USP54: variants seen among roughly 807,000 people sequenced by gnomAD.
USP54 encodes the protein ubiquitin carboxyl-terminal hydrolase 54.
USP54 carries 87 observed loss-of-function variants against 170.5 expected under a neutral mutation model. That is an observed-to-expected ratio of 0.51 (90% confidence interval 0.43 to 0.61). The LOEUF is 0.61. Ranked by LOEUF, USP54 falls within the 20% of genes least tolerant of loss-of-function variation. The pLI, the probability that USP54 is intolerant of heterozygous loss-of-function variation, is 0.00. For synonymous variants in USP54, 655 were observed against 742.8 expected (o/e 0.88, Z 1.92); for missense variants, 1,786 against 2,047.8 (o/e 0.87, Z 2.47).
intron 4 of USP54, among the ~76,000 whole-genome samples, chr10:73,561,184 G>A (rs1432378805): frequency 6.6e-6 from 1 of 150,956 alleles, no homozygotes; most frequent in African/African-American, 2.4e-5. Context: ...GAAAAGTAGA[G>A]TGTTTATAGT....
At chr10:73,614,330 C>T (rs1254173387) in intron 1 of USP54, among the ~76,000 whole-genome samples, 3 of 149,026 alleles carry the variant, frequency 2.0e-5, no homozygotes, top group South Asian at 2.1e-4. Flanking sequence ...GAGGCCAAGG[C>T]GGATGGATCA....
chr10:73,614,010 G>GTT, intron 1 of USP54: 2 of 152,140 alleles, frequency 1.3e-5, no homozygotes, highest in Non-Finnish European at 2.9e-5. Context: ...TTCGAGACCA[G>GTT]CTAGGCCATG....
chr10:73,554,970 G>A (rs150406013), intron 4 of USP54, among the ~76,000 whole-genome samples: 1 of 152,312 alleles, frequency 6.6e-6, no homozygotes, highest in East Asian at 1.9e-4. Flanking sequence ...GGGTACAGTG[G>A]CATATGCCTG....
At position 73,504,990 on chromosome 10, in the gene USP54, C is replaced by A. The variant is rs2058848247; in HGVS notation, c.4171G>T (p.Ala1391Ser). 2 of 1,614,018 alleles carry A rather than the reference C, an allele frequency of 1.2e-6. No individual in the cohort carries two copies. The highest frequency in any genetic ancestry group is 8.5e-7 in the Non-Finnish European group (1 of 1,180,020). ...CTGCTGAGGCCTCGGCAAGGTGTAG[C>A]CTTCAAACACACAGACACATACAGG... ...HEARTVRTSQ[A>S]TPCRGLSREC... The change falls in exon 22 of 24, where the codon GCT becomes TCT. Residue 1391 changes from alanine to serine, a missense_variant and splice_region_variant. By Grantham distance (99) the Ala-to-Ser change is moderately conservative. This residue lies in a region of USP54 where 1,418 missense variants were observed against 1,569.0 expected (regional missense o/e 0.90). Transcript: ENST00000687698.
chr10:73,535,117 C>T (rs2064963558), intron 11 of USP54, among the ~76,000 whole-genome samples: 1 of 152,156 alleles, frequency 6.6e-6, no homozygotes, highest in Non-Finnish European at 1.5e-5. Context: ...CCCAGGACAA[C>T]CTGTCATACA....
intron 20 of USP54, 40 bp from the exon 21 acceptor site, chr10:73,505,466 TC>T (rs1243365480): frequency 6.4e-7 from 1 of 1,562,148 alleles, no homozygotes; most frequent in Admixed American, 1.7e-5. Context: ...GGCCATCTCT[TC>T]CCCTAGGGCC....
intron 4 of USP54, among the ~76,000 whole-genome samples, chr10:73,556,574 G>C (rs2071125553): frequency 6.6e-6 from 1 of 151,998 alleles, no homozygotes; most frequent in Admixed American, 6.6e-5. Context: ...CTCAACTCCT[G>C]ACCTCGTGAT....
At position 73,534,714 on chromosome 10, in the gene USP54, GATA is replaced by G; in HGVS notation, c.1198_1200del (p.Tyr400del). The G allele has an allele frequency of 6.2e-7, 1 of 1,614,160 alleles. No individual in the cohort carries two copies. Among genetic ancestry groups the G allele is most frequent in the South Asian group, 1.1e-5 (1 of 91,078 alleles). ...GACTCATGGTGGGAATGTTTGTAGG[GATA>G]GCTCTCCGTTGAGGAATCTGTTCGA... On this transcript the variant is annotated inframe_deletion, in exon 12 of 24. Coordinates refer to ENST00000687698, the MANE Select transcript of USP54 (RefSeq NM_001391956.1).
At chr10:73,571,748 G>C (rs1319532256) in intron 3 of USP54, among the ~76,000 whole-genome samples, 3 of 152,164 alleles carry the variant, frequency 2.0e-5, no homozygotes, top group Non-Finnish European at 4.4e-5. Flanking sequence ...AGGTAATACA[G>C]TTAAAATATG....
In USP54 at chr10:73,498,574, C is replaced by T; in HGVS notation, c.*55G>A. 1 of 1,486,926 alleles carries T rather than the reference C, an allele frequency of 6.7e-7. No homozygotes were observed. The highest frequency in any genetic ancestry group is 2.4e-5 in the Admixed American group (1 of 42,386). 92.1% of individuals were successfully genotyped at this position (1,486,926 alleles called of 1,614,324 possible). A position where few individuals can be genotyped will look rare whatever the true frequency, so the allele number is the denominator to read the frequency against. On this transcript the variant is annotated 3_prime_UTR_variant, in exon 24 of 24. Transcript: ENST00000687698. ...CAGGTGTGAGCCACCGCGCCCGGCC[C>T]ACAGTACAGTTTTACAAAGAAAGGT...
Position 73,526,737 on chromosome 10 carries a change from G to T in USP54, c.2104C>A (p.Arg702Ser), listed in dbSNP as rs202082216. 1.2e-4 allele frequency: 190 copies of T among 1,613,884 alleles called. No homozygotes were observed. Among genetic ancestry groups the T allele is most frequent in the Non-Finnish European group, 1.5e-4 (178 of 1,180,000 alleles). The change falls in exon 16 of 24, where the codon CGT becomes AGT. Residue 702 changes from arginine (R) to serine (S), a missense_variant. Coordinates refer to ENST00000687698, the MANE Select transcript of USP54 (RefSeq NM_001391956.1). ...KRSAGLVPSW[R>S]HIPKSHSSSI... is the part of the protein sequence containing the mutation. ...CTGCTGTGCGACTTTGGGATATGAC[G>T]CCAGGAAGGAACCAACCCAGCTGAT...
chr10:73,541,864 AC>A, intron 7 of USP54, 126 bp from the exon 8 acceptor site: 1 of 886,260 alleles, frequency 1.1e-6, no homozygotes, highest in Non-Finnish European at 1.7e-6. Context: ...AAAGCCCCTG[AC>A]CAGGCTCAGT....
chr10:73,582,079 C>G (rs1589289793), intron 1 of USP54, among the ~76,000 whole-genome samples: 1 of 152,092 alleles, frequency 6.6e-6, no homozygotes, highest in African/African-American at 2.4e-5. Flanking sequence ...CTGTATTCTT[C>G]ACCAACAAAG....
chr10:73,556,318 T>C (rs1447069207), intron 4 of USP54, among the ~76,000 whole-genome samples: 1 of 151,720 alleles, frequency 6.6e-6, no homozygotes, highest in African/African-American at 2.4e-5. Context: ...GGATTAATAA[T>C]GAACAATGGG....
intron 1 of USP54, among the ~76,000 whole-genome samples, chr10:73,624,178 A>T (rs1387724792): frequency 1.8e-5 from 2 of 109,258 alleles, no homozygotes; most frequent in Admixed American, 9.3e-5. Context: ...ATATATATAT[A>T]TATATATATA....
chr10:73,509,140 T>C (rs1335256096), intron 20 of USP54, among the ~76,000 whole-genome samples: 1 of 148,584 alleles, frequency 6.7e-6, no homozygotes, highest in Non-Finnish European at 1.5e-5. Context: ...TTAAGAGCCT[T>C]ATCATCAAAA....
At chr10:73,613,740 G>A (rs968354489) in intron 1 of USP54, among the ~76,000 whole-genome samples, 4 of 151,854 alleles carry the variant, frequency 2.6e-5, no homozygotes, top group Admixed American at 6.6e-5. Context: ...TTAGCTGGGC[G>A]TGGTGGCGCG....
chr10:73,542,369 G>A (rs2066803032), intron 7 of USP54, among the ~76,000 whole-genome samples: 1 of 151,988 alleles, frequency 6.6e-6, no homozygotes. Flanking sequence ...CAAAGTGCTA[G>A]GATTATAGGC....
At chr10:73,537,291 TTAAA>T (rs1334717036) in intron 10 of USP54, among the ~76,000 whole-genome samples, 1 of 152,138 alleles carries the variant, frequency 6.6e-6, no homozygotes, top group Non-Finnish European at 1.5e-5. Flanking sequence ...CTAAAAGAAC[TTAAA>T]TAAATTGCCC....
Sources: gnomAD v4.1 joint callset for allele counts (sites outside exome capture counted in the v4.1 genomes callset) on GRCh38, gnomAD v4.1.1 for gene constraint, gnomAD v4.1.1 regional missense constraint, MANE v1.5 for transcripts, NCBI Gene and HGNC (gene_info 2026-07-23, HGNC 2026-07-21) for gene names.